The following ACACB variants were observed in gnomAD, a reference collection of about 807,000 sequenced individuals.
The protein encoded by ACACB is acetyl-CoA carboxylase 2.
Under a neutral mutation model 278.8 loss-of-function variants are expected in ACACB, and 209 were observed. That is an observed-to-expected ratio of 0.75 (90% CI 0.67 to 0.84). ACACB has a LOEUF of 0.84. Among genes scored for constraint, ACACB ranks in the 40% least tolerant of loss-of-function variants. The pLI, the probability that ACACB is intolerant of heterozygous loss-of-function variation, is 0.00. For synonymous variants in ACACB, 1,174 were observed against 1,285.6 expected (o/e 0.91, Z 1.86); for missense variants, 2,850 against 3,269.0 (o/e 0.87, Z 3.13).
chr12:109,113,794 A>C (rs960024843), upstream of ACACB, among the ~76,000 whole-genome samples: 2 of 152,208 alleles, frequency 1.3e-5, no homozygotes, highest in Non-Finnish European at 2.9e-5. Context: ...AAGGAAAAAC[A>C]GGTTGCAGGG....
chr12:109,203,752 T>A (rs1399763127), intron 19 of ACACB, among the ~76,000 whole-genome samples: 1 of 152,170 alleles, frequency 6.6e-6, no homozygotes, highest in Non-Finnish European at 1.5e-5. Flanking sequence ...CCAATTTAGA[T>A]TCCTCTTAAT....
rs199620387 is a variant in ACACB, at chr12:109,266,393, C to T, written c.*31C>T. On this transcript the variant is annotated 3_prime_UTR_variant, in exon 53 of 53. Coordinates refer to ENST00000338432, the MANE Select transcript of ACACB (RefSeq NM_001093.4). Reference sequence around the variant, plus strand: ...GCCCGCCCAGCCACTCCCGGGACCACGGCAAAAGGAACCACCCAGACCCAC... The same window carrying T: ...GCCCGCCCAGCCACTCCCGGGACCATGGCAAAAGGAACCACCCAGACCCAC... The T allele has an allele frequency of 2.2e-5, 34 of 1,579,116 alleles. No individual in the cohort carries two copies. Among genetic ancestry groups the T allele is most frequent in the East Asian group, 1.1e-4 (5 of 44,156 alleles).
chr12:109,165,637 C>T (rs1249713108), intron 2 of ACACB, among the ~76,000 whole-genome samples: 1 of 152,318 alleles, frequency 6.6e-6, no homozygotes, highest in East Asian at 1.9e-4. Context: ...CACTGCAGCT[C>T]TCATATGTGA....
intron 16 of ACACB, among the ~76,000 whole-genome samples, chr12:109,194,286 C>T (rs578130559): frequency 1.3e-5 from 2 of 152,240 alleles, no homozygotes; most frequent in South Asian, 4.1e-4. Context: ...ACCTCCATCT[C>T]CCAGGTTCAA....
chr12:109,252,743 T>C (rs1198873529), intron 42 of ACACB, among the ~76,000 whole-genome samples: 2 of 152,190 alleles, frequency 1.3e-5, no homozygotes, highest in East Asian at 3.8e-4. Flanking sequence ...GCTTTTGAGA[T>C]GGTCAAGGTA....
intron 2 of ACACB, among the ~76,000 whole-genome samples, chr12:109,162,829 G>T (rs1168497772): frequency 6.6e-6 from 1 of 152,072 alleles, no homozygotes; most frequent in Non-Finnish European, 1.5e-5. Context: ...TTGAGCTCAG[G>T]GTCAACCAGG....
chr12:109,119,876 C>G (rs2042500554), intron 1 of ACACB, among the ~76,000 whole-genome samples: 1 of 151,350 alleles, frequency 6.6e-6, no homozygotes, highest in Non-Finnish European at 1.5e-5. Context: ...GCCTGGGCGA[C>G]AGAGCGAGAC....
intron 47 of ACACB, chr12:109,259,956 T>C (rs2047335226): frequency 4.0e-6 from 3 of 743,416 alleles, no homozygotes; most frequent in Non-Finnish European, 6.2e-6. Flanking sequence ...AAAAGGGGGT[T>C]AAGAACAGGA....
Position 109,139,594 on chromosome 12 carries a change from G to A in ACACB, c.189G>A (p.Glu63=). ...GGGAGACACCGCAGAGAAATGGGGAGGGCCACACTCTGCCCAAGACACCCA... is the reference window on the plus strand; with the variant it reads ...GGGAGACACCGCAGAGAAATGGGGAAGGCCACACTCTGCCCAAGACACCCA... ...NSGETPQRNG[E]GHTLPKTPSQ... The change falls in exon 2 of 53, where the codon GAG becomes GAA. Residue 63 remains glutamate (E), a synonymous_variant. Transcript: ENST00000338432. 1 of 1,614,058 alleles carries A rather than the reference G, an allele frequency of 6.2e-7. No individual in the cohort carries two copies. The highest frequency in any genetic ancestry group is 8.5e-7 in the Non-Finnish European group (1 of 1,180,018).
intron 19 of ACACB, 88 bp from the exon 20 acceptor site, chr12:109,206,622 G>T: frequency 6.7e-7 from 1 of 1,488,388 alleles, no homozygotes; most frequent in Non-Finnish European, 9.2e-7. Context: ...ACGGAAGCCG[G>T]CAGATCTGTC....
chr12:109,120,150 T>C (rs765661596), intron 1 of ACACB, among the ~76,000 whole-genome samples: 3 of 152,200 alleles, frequency 2.0e-5, no homozygotes, highest in Non-Finnish European at 4.4e-5. Flanking sequence ...CGGTCTTTTA[T>C]TTCCATACTC....
chr12:109,174,477 G>A (rs1485191565), intron 7 of ACACB, among the ~76,000 whole-genome samples: 1 of 151,094 alleles, frequency 6.6e-6, no homozygotes, highest in Non-Finnish European at 1.5e-5. Context: ...ATAATCCTAT[G>A]ACCCAGTGTT....
At position 109,169,053 on chromosome 12, in the gene ACACB, G is replaced by A. The variant is rs553327404; in HGVS notation, c.925+1019G>A. On this transcript the variant is annotated intron_variant, in intron 4 of 52. Coordinates refer to ENST00000338432, the MANE Select transcript of ACACB (RefSeq NM_001093.4). The stretch of plus-strand genomic sequence containing the variant: ...CCAGCTCTTCAGGAGGCTGAGGCAG[G>A]AGAATTGCTTGAATCCAGGAGGCGG... 2.8e-5 allele frequency among the ~76,000 whole-genome samples: 4 copies of A among 145,170 alleles called. No homozygotes were observed. The South Asian group carries it at 8.8e-4, about 32-fold the overall frequency.
chr12:109,245,011 C>T (rs900676923), intron 37 of ACACB, among the ~76,000 whole-genome samples: 6 of 151,954 alleles, frequency 3.9e-5, no homozygotes, highest in African/African-American at 1.2e-4. Context: ...ACTAGCCTGA[C>T]CAACATGGAG....
chr12:109,191,428 G>A (rs1349960363), intron 13 of ACACB, 185 bp from the exon 14 acceptor site: 1 of 564,294 alleles, frequency 1.8e-6, no homozygotes, highest in South Asian at 2.0e-5. Flanking sequence ...TGGCCAGGCT[G>A]GTCTTGAACT....
At position 109,247,457 on chromosome 12, in the gene ACACB, G is replaced by T. The variant is rs546497071; in HGVS notation, c.5572-149G>T. The T allele has an allele frequency of 3.5e-5, 22 of 631,428 alleles. No homozygotes were observed. In the East Asian group the frequency reaches 5.7e-4, roughly 16 times the overall value. The allele number at this position is 631,428 out of a possible 1,614,324, so 39.1% of individuals were successfully genotyped here. ...TCAGTTTATGGCTGTTATTAATACG[G>T]TATTTACATGAGATGTGTTAATGTG... On this transcript the variant is annotated intron_variant, in intron 39 of 52. Coordinates refer to ENST00000338432, the MANE Select transcript of ACACB (RefSeq NM_001093.4).
Position 109,233,856 on chromosome 12 carries a change from C to T in ACACB, c.4239+9C>T. 1.2e-6 allele frequency: 2 copies of T among 1,614,188 alleles called. No homozygotes were observed. The highest frequency in any genetic ancestry group is 1.7e-6 in the Non-Finnish European group (2 of 1,180,006). ...CCGAGGATGACTGCAAGGTAAGCGT[C>T]TAAGCCCAGGGAGCAACCTGGGGAG... is the stretch of plus-strand genomic sequence containing the variant. On this transcript the variant is annotated intron_variant, in intron 30 of 52. Coordinates refer to ENST00000338432, the MANE Select transcript of ACACB (RefSeq NM_001093.4).
Position 109,188,178 on chromosome 12 carries a change from CTT to C in ACACB, c.2144+17_2144+18del, listed in dbSNP as rs748103002. The C allele has an allele frequency of 1.4e-5, 3 of 209,316 alleles. No homozygotes were observed. The highest frequency in any genetic ancestry group is 1.2e-4 in the African/African-American group (1 of 8,012). 13.0% of individuals were successfully genotyped at this position (209,316 alleles called of 1,614,324 possible). A position where few individuals can be genotyped will look rare whatever the true frequency, so the allele number is the denominator to read the frequency against. ...AGGCCATTTCGTCAGTATCTCCTTC[CTT>C]CCTTCCTTCCTTCCTTCCTTCCTTC... On this transcript the variant is annotated intron_variant, in intron 13 of 52. Transcript: ENST00000338432.
chr12:109,180,443 A>T (rs1430627378), intron 11 of ACACB, among the ~76,000 whole-genome samples: 1 of 152,188 alleles, frequency 6.6e-6, no homozygotes, highest in African/African-American at 2.4e-5. Flanking sequence ...TGCTTTATTC[A>T]TGAAAAGAGT....
Sources: gnomAD v4.1 joint callset for allele counts (sites outside exome capture counted in the v4.1 genomes callset) on GRCh38, gnomAD v4.1.1 for gene constraint, MANE v1.5 for transcripts, NCBI Gene and HGNC (gene_info 2026-07-23, HGNC 2026-07-21) for gene names.